ACKR5: variants seen among roughly 807,000 people sequenced by gnomAD.
ACKR5 encodes atypical chemokine receptor 5.
the ACKR5 span, chr12:56,998,844 T>G: frequency 6.6e-6 from 1 of 152,670 alleles, no homozygotes; most frequent in East Asian, 1.9e-4. Flanking sequence ...CATTTCAAAT[T>G]TCTTTTTTTA....
chr12:56,997,934 GA>G, the ACKR5 span: 1 of 152,266 alleles, frequency 6.6e-6, no homozygotes, highest in Non-Finnish European at 1.5e-5. Flanking sequence ...GCCCAAACCT[GA>G]AAGGGTCTTA....
chr12:56,998,544 T>C, the ACKR5 span: 1 of 152,190 alleles, frequency 6.6e-6, no homozygotes, highest in Non-Finnish European at 1.5e-5. Flanking sequence ...ATCTCTCACT[T>C]AGTAACGTTA....
the ACKR5 span, chr12:56,995,430 T>C: frequency 1.4e-5 from 23 of 1,614,194 alleles, no homozygotes; most frequent in South Asian, 2.2e-4. This position sits in a 1 kb window ranked among gnomAD's most constrained non-coding sequence, Gnocchi z 4.7. Context: ...AACCTCCTGG[T>C]GATATGCGTC....
the ACKR5 span, chr12:56,995,774 G>A: frequency 1.9e-6 from 3 of 1,614,124 alleles, no homozygotes; most frequent in Non-Finnish European, 1.7e-6. The surrounding 1 kb of genome is among the most constrained non-coding windows in gnomAD (Gnocchi z 4.7). Flanking sequence ...GCTGCCTGAG[G>A]TGGTCCACAT....
chr12:56,995,223 C>T, the ACKR5 span: 12 of 1,612,990 alleles, frequency 7.4e-6, no homozygotes, highest in Non-Finnish European at 8.5e-6. This position sits in a 1 kb window ranked among gnomAD's most constrained non-coding sequence, Gnocchi z 4.7. Context: ...TCAGTGAAAC[C>T]CAGCTGGGGG....
chr12:56,995,845 C>T, the ACKR5 span: 1 of 1,613,600 alleles, frequency 6.2e-7, no homozygotes, highest in Non-Finnish European at 8.5e-7. This position sits in a 1 kb window ranked among gnomAD's most constrained non-coding sequence, Gnocchi z 4.7. Flanking sequence ...AAACGTACAG[C>T]ACCTGGGCCC....
the ACKR5 span, chr12:56,998,785 T>G: frequency 6.5e-6 from 1 of 152,794 alleles, no homozygotes; most frequent in South Asian, 2.1e-4. Context: ...GCCCAGATAT[T>G]CTGAACTCCA....
At chr12:56,997,143 A>G in the ACKR5 span, 1 of 152,240 alleles carries the variant, frequency 6.6e-6, no homozygotes, top group Non-Finnish European at 1.5e-5. Context: ...CCCACAAGCA[A>G]GAGGAGTTGT....
chr12:56,995,132 C>A, the ACKR5 span: 2 of 1,386,498 alleles, frequency 1.4e-6, no homozygotes, highest in Non-Finnish European at 2.0e-6. This position sits in a 1 kb window ranked among gnomAD's most constrained non-coding sequence, Gnocchi z 4.7. Flanking sequence ...CTGGCCTCTA[C>A]CTTGAGGACA....
the ACKR5 span, chr12:56,995,877 C>G: frequency 6.2e-7 from 1 of 1,612,356 alleles, no homozygotes; most frequent in Non-Finnish European, 8.5e-7. This position sits in a 1 kb window ranked among gnomAD's most constrained non-coding sequence, Gnocchi z 4.7. Context: ...CTGTCCACCA[C>G]CATCCTGGGC....
the ACKR5 span, chr12:56,997,921 T>G: frequency 6.6e-6 from 1 of 152,276 alleles, no homozygotes; most frequent in Non-Finnish European, 1.5e-5. Context: ...CCCTGTTTAC[T>G]GGGCCCAAAC....
the ACKR5 span, chr12:56,995,063 GC>G: frequency 1.4e-6 from 1 of 693,844 alleles, no homozygotes; most frequent in South Asian, 1.8e-5. This position sits in a 1 kb window ranked among gnomAD's most constrained non-coding sequence, Gnocchi z 4.7. Context: ...CAGTTTGAAA[GC>G]TAAACTTCCC....
chr12:56,995,991 G>A, the ACKR5 span: 1 of 1,610,548 alleles, frequency 6.2e-7, no homozygotes, highest in Non-Finnish European at 8.5e-7. This position sits in a 1 kb window ranked among gnomAD's most constrained non-coding sequence, Gnocchi z 4.7. Flanking sequence ...CTGCTGCTGT[G>A]CGCCTACGTG....
chr12:56,995,680 C>A, the ACKR5 span: 1 of 1,613,840 alleles, frequency 6.2e-7, no homozygotes, highest in African/African-American at 1.3e-5. The surrounding 1 kb of genome is among the most constrained non-coding windows in gnomAD (Gnocchi z 4.7). Flanking sequence ...CCCTCACCAG[C>A]GCCTCCCCCT....
At chr12:56,995,432 A>G in the ACKR5 span, 1 of 1,614,010 alleles carries the variant, frequency 6.2e-7, no homozygotes, top group African/African-American at 1.3e-5. This position sits in a 1 kb window ranked among gnomAD's most constrained non-coding sequence, Gnocchi z 4.7. Flanking sequence ...CCTCCTGGTG[A>G]TATGCGTCAA....
the ACKR5 span, chr12:56,995,798 G>C: frequency 6.2e-7 from 1 of 1,613,986 alleles, no homozygotes; most frequent in African/African-American, 1.3e-5. The surrounding 1 kb of genome is among the most constrained non-coding windows in gnomAD (Gnocchi z 4.7). Flanking sequence ...GCTGGTGGAG[G>C]GCCCTGAGCC....
the ACKR5 span, chr12:56,995,809 C>T: frequency 6.2e-7 from 1 of 1,614,160 alleles, no homozygotes; most frequent in Non-Finnish European, 8.5e-7. The surrounding 1 kb of genome is among the most constrained non-coding windows in gnomAD (Gnocchi z 4.7). Flanking sequence ...GCCCTGAGCC[C>T]ATGTGCCTCT....
the ACKR5 span, chr12:56,997,590 G>A: frequency 6.6e-6 from 1 of 152,182 alleles, no homozygotes; most frequent in Non-Finnish European, 1.5e-5. Flanking sequence ...GGGAGACTAG[G>A]ACCCTGTCCA....
chr12:56,997,568 T>A, the ACKR5 span: 1 of 152,186 alleles, frequency 6.6e-6, no homozygotes, highest in Non-Finnish European at 1.5e-5. Context: ...TGGAAAAGGA[T>A]CACTTATGTT....
Sources: gnomAD v4.1 joint callset for allele counts on GRCh38, gnomAD v4.1.1 for gene constraint, Gnocchi (gnomAD v3.1) non-coding constraint, MANE v1.5 for transcripts, NCBI Gene and HGNC (gene_info 2026-07-23, HGNC 2026-07-21) for gene names.